Variants in EEF2K observed in about 807,000 individuals in gnomAD.
EEF2K encodes alternative protein EEF2K.
Under a neutral mutation model 93.8 loss-of-function variants are expected in EEF2K, and 70 were observed. The ratio of observed to expected loss-of-function variants is 0.75; its 90% CI spans 0.62 to 0.91. EEF2K has a LOEUF of 0.91. Ranked by LOEUF, EEF2K falls within the 40% of genes least tolerant of loss-of-function variation. EEF2K has a pLI of 0.00. For missense variants in EEF2K, 935 were observed against 972.9 expected (o/e 0.96, Z 0.52); for synonymous variants, 376 against 380.8 (o/e 0.99, Z 0.15).
intron 10 of EEF2K, among the ~76,000 whole-genome samples, chr16:22,259,388 AAGAG>A (rs747418644): frequency 3.3e-5 from 5 of 152,312 alleles, no homozygotes; most frequent in East Asian, 1.9e-4. Flanking sequence ...ATACCTTTGA[AAGAG>A]AGAAAGATTT....
intron 8 of EEF2K, 102 bp downstream of exon 8, chr16:22,257,487 G>A (rs373561000): frequency 1.3e-5 from 20 of 1,552,016 alleles, no homozygotes; most frequent in Middle Eastern, 1.7e-4. Context: ...CACTGTACGC[G>A]CTTTTTCAAG....
chr16:22,246,440 T>C (rs1048383631), intron 3 of EEF2K, among the ~76,000 whole-genome samples: 2 of 139,308 alleles, frequency 1.4e-5, no homozygotes, highest in African/African-American at 5.4e-5. Context: ...GCTTGAACCC[T>C]GGGAGACAGA....
intron 16 of EEF2K, among the ~76,000 whole-genome samples, chr16:22,278,476 G>C (rs192280128): frequency 6.6e-6 from 1 of 152,242 alleles, no homozygotes; most frequent in Admixed American, 6.5e-5. Context: ...CGGGTGCAAG[G>C]GCCACAGAGC....
chr16:22,272,408 G>A (rs1234066477), intron 15 of EEF2K, among the ~76,000 whole-genome samples: 1 of 152,190 alleles, frequency 6.6e-6, no homozygotes, highest in East Asian at 1.9e-4. Flanking sequence ...AAAGCACTGT[G>A]CTAAGTGAAA....
chr16:22,260,527 C>G lies in EEF2K; in HGVS notation c.1297C>G (p.Arg433Gly). The change falls in exon 11 of 18, where the codon CGG becomes GGG. Residue 433 changes from arginine to glycine, a missense_variant and splice_region_variant. By Grantham distance (125) the Arg-to-Gly change is moderately radical. Coordinates refer to ENST00000263026, the MANE Select transcript of EEF2K (RefSeq NM_013302.5). Reference sequence around the variant, plus strand: ...AGACCATGATCATCTAGACAACCACCGGGTGAGTGTGAAGGGAGGGAGGCT... The same window carrying G: ...AGACCATGATCATCTAGACAACCACGGGGTGAGTGTGAAGGGAGGGAGGCT... ...SRDHDHLDNH[R>G]ESENSGDSGY... The G allele has an allele frequency of 1.2e-6, 2 of 1,614,036 alleles. No homozygotes were observed. The highest frequency in any genetic ancestry group is 2.2e-5 in the East Asian group (1 of 44,878).
At chr16:22,272,809 G>GCAT (rs2047596653) in intron 15 of EEF2K, among the ~76,000 whole-genome samples, 1 of 152,140 alleles carries the variant, frequency 6.6e-6, no homozygotes, top group Admixed American at 6.5e-5. Context: ...TTACAGGTAT[G>GCAT]CATCACCACG....
chr16:22,217,443 C>A lies in EEF2K; in HGVS notation c.-76-8211C>A, dbSNP rs900351659. Among the ~76,000 whole-genome samples the A allele has an allele frequency of 5.3e-5, 8 of 152,074 alleles. No individual in the cohort carries two copies. In the East Asian group the frequency reaches 1.5e-3, roughly 29 times the overall value. ...ATTATATATAAATAATATACAATGGCCCAAACCCTGGCTGGGTTTGGACAG... is the reference window on the plus strand; with the variant it reads ...ATTATATATAAATAATATACAATGGACCAAACCCTGGCTGGGTTTGGACAG... On this transcript the variant is annotated intron_variant, in intron 1 of 17. Transcript: ENST00000263026.
intron 6 of EEF2K, among the ~76,000 whole-genome samples, chr16:22,254,053 T>A (rs964360717): frequency 6.6e-6 from 1 of 152,024 alleles, no homozygotes; most frequent in African/African-American, 2.4e-5. Flanking sequence ...GAGCCGAGAT[T>A]GGGCTACTGC....
At chr16:22,226,565 C>T (rs967763876) in intron 2 of EEF2K, among the ~76,000 whole-genome samples, 3 of 129,070 alleles carry the variant, frequency 2.3e-5, no homozygotes. Context: ...GCCCAGGCTG[C>T]AGTGCAATGG....
intron 13 of EEF2K, 55 bp downstream of exon 13, chr16:22,264,935 CTG>C: frequency 6.3e-7 from 1 of 1,594,902 alleles, no homozygotes. Context: ...CCTCCAGGCT[CTG>C]TTGCTGTTTC....
rs763486884 is a variant in EEF2K, at chr16:22,263,133, C to T, written c.1323C>T (p.Ser441=). 4.5e-5 allele frequency: 73 copies of T among 1,611,526 alleles called. No individual in the cohort carries two copies. Among genetic ancestry groups the T allele is most frequent in the South Asian group, 2.5e-4 (23 of 90,768 alleles). Residue 441 remains serine (S), a synonymous_variant, in exon 12 of 18, where the codon AGC becomes AGT. Coordinates refer to ENST00000263026, the MANE Select transcript of EEF2K (RefSeq NM_013302.5). ...NHRESENSGD[S]GYPSEKRGEL... ...AGGAGTCTGAGAATAGTGGGGACAGCGGATACCCCAGTGAGAAGCGGGGTG... is the reference window on the plus strand; with the variant it reads ...AGGAGTCTGAGAATAGTGGGGACAGTGGATACCCCAGTGAGAAGCGGGGTG...
chr16:22,226,180 ATAG>A (rs1296028215), intron 2 of EEF2K, among the ~76,000 whole-genome samples: 1 of 152,130 alleles, frequency 6.6e-6, no homozygotes, highest in Admixed American at 6.6e-5. Flanking sequence ...TGTTTTTCAA[ATAG>A]TAGCCCAGGA....
At chr16:22,210,095 T>A (rs778904822) in intron 1 of EEF2K, among the ~76,000 whole-genome samples, 16 of 152,132 alleles carry the variant, frequency 1.1e-4, no homozygotes, top group Non-Finnish European at 2.2e-4. Flanking sequence ...CCCAACCATA[T>A]AAGAAGGCTT....
At chr16:22,215,254 T>C (rs569036054) in intron 1 of EEF2K, among the ~76,000 whole-genome samples, 1 of 152,246 alleles carries the variant, frequency 6.6e-6, no homozygotes, top group South Asian at 2.1e-4. Flanking sequence ...GCTTGGAAAG[T>C]AGGGGTTTTC....
chr16:22,283,819 G>T (rs1005126647), intron 17 of EEF2K, 68 bp from the exon 18 acceptor site: 8 of 1,445,404 alleles, frequency 5.5e-6, no homozygotes, highest in Non-Finnish European at 7.6e-6. Context: ...GAGGGGTGAT[G>T]GGGGACACTG....
intron 1 of EEF2K, among the ~76,000 whole-genome samples, chr16:22,222,046 G>A (rs1482543710): frequency 6.6e-6 from 1 of 151,806 alleles, no homozygotes; most frequent in Non-Finnish European, 1.5e-5. Flanking sequence ...CTCCAGCCTG[G>A]GCAACAGAGC....
intron 15 of EEF2K, 79 bp downstream of exon 15, chr16:22,266,955 A>C (rs983936775): frequency 6.7e-7 from 1 of 1,496,486 alleles, no homozygotes; most frequent in African/African-American, 1.4e-5. Flanking sequence ...CCCATCCTGG[A>C]AGTCATGCAT....
At chr16:22,253,008 G>A (rs2047366035) in intron 6 of EEF2K, among the ~76,000 whole-genome samples, 1 of 152,138 alleles carries the variant, frequency 6.6e-6, no homozygotes, top group Admixed American at 6.5e-5. Context: ...CTTTGAGTGG[G>A]GACACAGCCA....
intron 16 of EEF2K, among the ~76,000 whole-genome samples, chr16:22,275,911 G>A (rs528768858): frequency 6.6e-6 from 1 of 151,846 alleles, no homozygotes; most frequent in East Asian, 1.9e-4. Flanking sequence ...CAAAGTGCTG[G>A]GATTACAGAT....
Sources: allele counts gnomAD v4.1 joint callset (sites outside exome capture counted in the v4.1 genomes callset), GRCh38; gene constraint gnomAD v4.1.1; transcripts MANE v1.5; gene names NCBI Gene and HGNC (gene_info 2026-07-23, HGNC 2026-07-21).